The following BMAL2 variants were observed in gnomAD, a reference collection of about 807,000 sequenced individuals.
BMAL2 encodes the protein basic helix-loop-helix ARNT-like protein 2.
At chr12:27,372,881 G>A in the BMAL2 span, among the ~76,000 whole-genome samples, 1 of 152,072 alleles carries the variant, frequency 6.6e-6, no homozygotes, top group African/African-American at 2.4e-5. Context: ...GACCGTATTA[G>A]CCAGGATGGT....
the BMAL2 span, among the ~76,000 whole-genome samples, chr12:27,348,174 T>C: frequency 6.6e-6 from 1 of 152,254 alleles, no homozygotes; most frequent in African/African-American, 2.4e-5. Context: ...TCTTCCCTCG[T>C]GTCAACCTTT....
chr12:27,399,077 G>A, the BMAL2 span, among the ~76,000 whole-genome samples: 29,079 of 152,028 alleles, frequency 0.19, 3,180 homozygotes, highest in East Asian at 0.46. Context: ...GTTGGAAGAG[G>A]TAAGGAGTTT....
At chr12:27,368,391 G>A in the BMAL2 span, 2 of 1,614,104 alleles carry the variant, frequency 1.2e-6, no homozygotes, top group East Asian at 2.2e-5. Context: ...AAACGCAAAG[G>A]AAGTGATTCA....
the BMAL2 span, among the ~76,000 whole-genome samples, chr12:27,371,929 T>G: frequency 6.0e-4 from 91 of 152,358 alleles, 1 homozygote; most frequent in African/African-American, 2.1e-3. Context: ...ACCTCTAGTA[T>G]ATTTTCTGGC....
the BMAL2 span, chr12:27,370,068 G>C: frequency 1.6e-6 from 2 of 1,244,508 alleles, no homozygotes; most frequent in Non-Finnish European, 2.4e-6. Context: ...TTGAGGACAG[G>C]CTTGCTGTCC....
At chr12:27,387,881 G>A in the BMAL2 span, among the ~76,000 whole-genome samples, 8 of 152,136 alleles carry the variant, frequency 5.3e-5, no homozygotes, top group African/African-American at 1.7e-4. Flanking sequence ...CTAGAAATCC[G>A]ATAGACTGCA....
chr12:27,333,342 G>A, the BMAL2 span, among the ~76,000 whole-genome samples: 1 of 151,996 alleles, frequency 6.6e-6, no homozygotes, highest in Non-Finnish European at 1.5e-5. Context: ...AGGGGAGCTG[G>A]GGTCGCCGCC....
chr12:27,335,755 G>T, the BMAL2 span, among the ~76,000 whole-genome samples: 1 of 151,772 alleles, frequency 6.6e-6, no homozygotes, highest in Non-Finnish European at 1.5e-5. Context: ...GAGAGGAGGT[G>T]TGAAGTAAAG....
At chr12:27,395,326 A>G in the BMAL2 span, among the ~76,000 whole-genome samples, 10 of 152,172 alleles carry the variant, frequency 6.6e-5, no homozygotes, top group African/African-American at 2.4e-4. Flanking sequence ...TAGACAACAC[A>G]TGACTGAATA....
At chr12:27,407,273 G>A in the BMAL2 span, among the ~76,000 whole-genome samples, 36 of 152,220 alleles carry the variant, frequency 2.4e-4, no homozygotes, top group East Asian at 1.2e-3. Flanking sequence ...TCTCTGCCCC[G>A]AATCAACAGA....
the BMAL2 span, among the ~76,000 whole-genome samples, chr12:27,403,008 T>C: frequency 5.3e-4 from 81 of 152,324 alleles, no homozygotes; most frequent in Non-Finnish European, 9.1e-4. Context: ...GCAGGAATGA[T>C]GTTTTATCCA....
chr12:27,362,112 G>A, the BMAL2 span, among the ~76,000 whole-genome samples: 1 of 152,174 alleles, frequency 6.6e-6, no homozygotes, highest in Non-Finnish European at 1.5e-5. Context: ...GGAAGTAGGG[G>A]GAATGGTTGA....
At chr12:27,401,803 C>A in the BMAL2 span, 2 of 646,486 alleles carry the variant, frequency 3.1e-6, no homozygotes, top group Non-Finnish European at 4.9e-6. Context: ...TGAGATTTAT[C>A]TTTTGAGTAA....
At chr12:27,356,025 A>C in the BMAL2 span, among the ~76,000 whole-genome samples, 1 of 152,162 alleles carries the variant, frequency 6.6e-6, no homozygotes, top group Non-Finnish European at 1.5e-5. Context: ...TGTATCTGAG[A>C]TGTGATATTT....
At chr12:27,334,600 A>G in the BMAL2 span, among the ~76,000 whole-genome samples, 1 of 152,244 alleles carries the variant, frequency 6.6e-6, no homozygotes, top group Admixed American at 6.5e-5. Context: ...AAGAAAATGC[A>G]CCTACTAATT....
chr12:27,367,192 A>T, the BMAL2 span, among the ~76,000 whole-genome samples: 1 of 152,164 alleles, frequency 6.6e-6, no homozygotes, highest in Non-Finnish European at 1.5e-5. Flanking sequence ...GGGTTCTTTG[A>T]ACACCAGCAC....
chr12:27,402,628 T>A, the BMAL2 span: 7 of 1,612,502 alleles, frequency 4.3e-6, no homozygotes, highest in Non-Finnish European at 4.2e-6. Context: ...GGGGACATAG[T>A]GAGCCTGGAG....
the BMAL2 span, among the ~76,000 whole-genome samples, chr12:27,360,702 T>C: frequency 1.3e-5 from 2 of 149,728 alleles, no homozygotes; most frequent in Non-Finnish European, 3.0e-5. Flanking sequence ...CAAACAGATT[T>C]GTGTACATTT....
the BMAL2 span, chr12:27,368,517 T>G: frequency 7.2e-7 from 1 of 1,384,006 alleles, no homozygotes. Flanking sequence ...ATGGTAACAT[T>G]TGGAGATGGG....
Sources: gnomAD v4.1 joint callset for allele counts (sites outside exome capture counted in the v4.1 genomes callset) on GRCh38, gnomAD v4.1.1 for gene constraint, MANE v1.5 for transcripts, NCBI Gene and HGNC (gene_info 2026-07-23, HGNC 2026-07-21) for gene names.